Variants in CFAP61 observed in about 807,000 individuals in gnomAD.
The protein encoded by CFAP61 is cilia- and flagella-associated protein 61.
A neutral mutation model predicts 135.6 loss-of-function variants in CFAP61; 107 were observed. The ratio of observed to expected loss-of-function variants is 0.79; its 90% confidence interval spans 0.67 to 0.93. The LOEUF is 0.93. CFAP61 is among the 40% of genes least tolerant of loss of function. The probability of loss-of-function intolerance (pLI) is 0.00; values close to 1 mark genes in which losing one functional copy is unlikely to be tolerated. For synonymous variants in CFAP61, 575 were observed against 578.5 expected (o/e 0.99, Z 0.09); for missense variants, 1,507 against 1,556.2 (o/e 0.97, Z 0.53).
intron 20 of CFAP61, among the ~76,000 whole-genome samples, chr20:20,262,023 A>C (rs2052275668): frequency 6.6e-6 from 1 of 152,252 alleles, no homozygotes; most frequent in African/African-American, 2.4e-5. Flanking sequence ...TTTCAAAAGT[A>C]AATAATAATC....
At chr20:20,305,121 C>A (rs1291262259) in intron 25 of CFAP61, among the ~76,000 whole-genome samples, 1 of 152,230 alleles carries the variant, frequency 6.6e-6, no homozygotes, top group Non-Finnish European at 1.5e-5. Flanking sequence ...CGCGCCACCA[C>A]CGCCTCCACA....
At chr20:20,163,576 G>A (rs1232574533) in intron 10 of CFAP61, among the ~76,000 whole-genome samples, 2 of 142,256 alleles carry the variant, frequency 1.4e-5, no homozygotes, top group African/African-American at 5.2e-5. Context: ...ACCTTCATGT[G>A]AGAACTAGTT....
intron 8 of CFAP61, among the ~76,000 whole-genome samples, chr20:20,108,551 G>A (rs981969246): frequency 6.6e-6 from 1 of 152,140 alleles, no homozygotes; most frequent in African/African-American, 2.4e-5. Flanking sequence ...AAAATGAATT[G>A]CAGTATCAGT....
At chr20:20,087,031 C>T (rs2046859344) in intron 6 of CFAP61, among the ~76,000 whole-genome samples, 1 of 152,122 alleles carries the variant, frequency 6.6e-6, no homozygotes, top group African/African-American at 2.4e-5. Context: ...ATAAGTAAAT[C>T]AACTTGTATC....
At chr20:20,273,177 A>G (rs2053495485) in intron 21 of CFAP61, among the ~76,000 whole-genome samples, 1 of 151,108 alleles carries the variant, frequency 6.6e-6, no homozygotes, top group East Asian at 1.9e-4. Flanking sequence ...CACTACATTC[A>G]GCCCTGTCTT....
rs11482667 is a variant in CFAP61 at position 20,359,344 on chromosome 20, C to CTT, written c.3514-859_3514-858dup. The stretch of plus-strand genomic sequence containing the variant: ...TTCAAGTAAAAAGGTTTAATCACTC[C>CTT]TTTTTTTTATTTTTAAATTTTTTTA... On this transcript the variant is annotated intron_variant, in intron 26 of 26. Transcript: ENST00000245957. The surrounding 1 kb of genome is among the most constrained non-coding windows in gnomAD (Gnocchi z 4.0). Among the ~76,000 whole-genome samples the CTT allele has an allele frequency of 2.6e-5, 4 of 151,764 alleles. No homozygotes were observed. The highest frequency in any genetic ancestry group is 4.4e-5 in the Non-Finnish European group (3 of 67,938).
chr20:20,079,283 A>G (rs1005059917), intron 6 of CFAP61, among the ~76,000 whole-genome samples: 1 of 152,034 alleles, frequency 6.6e-6, no homozygotes, highest in African/African-American at 2.4e-5. Flanking sequence ...CAACCTTGCC[A>G]CTCAGTAACC....
At chr20:20,258,660 C>CGA (rs1418950035) in intron 20 of CFAP61, 1 of 152,162 alleles carries the variant, frequency 6.6e-6, no homozygotes, top group African/African-American at 2.4e-5. Flanking sequence ...TTATTCATCC[C>CGA]GAGGAACAGC....
rs545178747 is a variant in CFAP61 at position 20,177,810 on chromosome 20, G to A, written c.1385+8350G>A. On this transcript the variant is annotated intron_variant, in intron 13 of 26. Coordinates refer to ENST00000245957, the MANE Select transcript of CFAP61 (RefSeq NM_015585.4). ...ATAGGAACTGCTGAGTGGGAGAGGG[G>A]CTGCCATTTATTGCCTAGGGTGACA... Among the ~76,000 whole-genome samples the A allele has an allele frequency of 5.6e-3, 142 of 25,418 alleles. 3 individuals carry two copies. Among genetic ancestry groups the A allele is most frequent in the African/African-American group, 0.023 (132 of 5,726 alleles). 16.7% of individuals were successfully genotyped at this position (25,418 alleles called of 152,430 possible).
chr20:20,258,678 T>C (rs2051871792), intron 20 of CFAP61: 1 of 152,216 alleles, frequency 6.6e-6, no homozygotes, highest in Non-Finnish European at 1.5e-5. Flanking sequence ...AGCTTTCCGA[T>C]AGAGTGAAAG....
rs868039534 is a variant in CFAP61, at chr20:20,358,014, G to C, written c.3514-2196G>C. Among the ~76,000 whole-genome samples the C allele has an allele frequency of 3.3e-3, 449 of 135,360 alleles. 8 individuals carry two copies. The highest frequency in any genetic ancestry group is 4.7e-3 in the Middle Eastern group (1 of 212). 88.8% of individuals were successfully genotyped at this position (135,360 alleles called of 152,430 possible). ...TAGTGTGAGGGGAGGTGGTCACAGTGTGAGGGGAGGTGGTCACACTGAGGA... is the reference window on the plus strand; with the variant it reads ...TAGTGTGAGGGGAGGTGGTCACAGTCTGAGGGGAGGTGGTCACACTGAGGA... On this transcript the variant is annotated intron_variant, in intron 26 of 26. Coordinates refer to ENST00000245957, the MANE Select transcript of CFAP61 (RefSeq NM_015585.4).
At chr20:20,134,492 A>G (rs1410670810) in intron 8 of CFAP61, among the ~76,000 whole-genome samples, 1 of 152,190 alleles carries the variant, frequency 6.6e-6, no homozygotes, top group African/African-American at 2.4e-5. Context: ...ATATGTGATG[A>G]TGAACCATTG....
intron 16 of CFAP61, among the ~76,000 whole-genome samples, chr20:20,199,547 G>C (rs962444399): frequency 6.6e-6 from 1 of 152,112 alleles, no homozygotes; most frequent in African/African-American, 2.4e-5. Flanking sequence ...TTCCCACAGA[G>C]ATAGTAATGT....
chr20:20,146,390 C>T (rs114599427), intron 9 of CFAP61, among the ~76,000 whole-genome samples: 78 of 152,260 alleles, frequency 5.1e-4, no homozygotes, highest in African/African-American at 1.8e-3. Context: ...AGATGGAAGA[C>T]ATAAAATAGC....
chr20:20,267,737 T>G (rs1410836875), intron 21 of CFAP61: 2 of 151,686 alleles, frequency 1.3e-5, no homozygotes, highest in African/African-American at 4.9e-5. Flanking sequence ...TTAAACAGGG[T>G]TTTACTGGGT....
At chr20:20,338,376 T>A (rs911855754) in intron 25 of CFAP61, among the ~76,000 whole-genome samples, 12 of 152,304 alleles carry the variant, frequency 7.9e-5, no homozygotes, top group African/African-American at 2.6e-4. Context: ...GGCGTGAGTG[T>A]CAGCTGGGGA....
intron 8 of CFAP61, among the ~76,000 whole-genome samples, chr20:20,141,862 G>A (rs1310797225): frequency 1.3e-5 from 2 of 152,142 alleles, no homozygotes; most frequent in African/African-American, 2.4e-5. Flanking sequence ...CCACACTCAC[G>A]GAGACAGCAG....
Position 20,263,138 on chromosome 20 carries a change from T to C in CFAP61, c.2503+8T>C, listed in dbSNP as rs766829350. The C allele has an allele frequency of 6.9e-6, 11 of 1,605,048 alleles. No individual in the cohort carries two copies. Among genetic ancestry groups the C allele is most frequent in the African/African-American group, 1.3e-5 (1 of 74,844 alleles). On this transcript the variant is annotated splice_region_variant and intron_variant, in intron 21 of 26. Coordinates refer to ENST00000245957, the MANE Select transcript of CFAP61 (RefSeq NM_015585.4). ...ACTCCATCACCACAGAAGGTAAGGA[T>C]GTCGGTAACTGTGCATCTCTTCAGA...
At chr20:20,158,890 A>G (rs2053173404) in intron 9 of CFAP61, among the ~76,000 whole-genome samples, 1 of 152,224 alleles carries the variant, frequency 6.6e-6, no homozygotes, top group Non-Finnish European at 1.5e-5. Flanking sequence ...TATGTAGCTT[A>G]TTGTATGTCA....
Sources: gnomAD v4.1 joint callset for allele counts (sites outside exome capture counted in the v4.1 genomes callset) on GRCh38, gnomAD v4.1.1 for gene constraint, Gnocchi (gnomAD v3.1) non-coding constraint, MANE v1.5 for transcripts, NCBI Gene and HGNC (gene_info 2026-07-23, HGNC 2026-07-21) for gene names.